Variants in DMXL1 observed in about 807,000 individuals in gnomAD.
DMXL1 encodes Dmx like 1.
In DMXL1, 99 loss-of-function variants were observed where a neutral mutation model predicts 319.2. That is an observed-to-expected ratio of 0.31 (90% CI 0.26 to 0.37). The LOEUF (loss-of-function observed/expected upper bound fraction) is 0.37. DMXL1 is among the 10% of genes least tolerant of loss of function. DMXL1 has a pLI of 1.00. For missense variants in DMXL1, 3,745 were observed against 3,595.6 expected (o/e 1.04, Z -1.06); for synonymous variants, 1,385 against 1,235.2 (o/e 1.12, Z -2.54).
intron 33 of DMXL1, among the ~76,000 whole-genome samples, chr5:119,204,315 T>A (rs1273911776): frequency 6.6e-6 from 1 of 152,140 alleles, no homozygotes; most frequent in Non-Finnish European, 1.5e-5. Flanking sequence ...TTTTTTGTAT[T>A]TTTGGTAGAG....
chr5:119,203,420 A>C lies in DMXL1; in HGVS notation c.7847A>C (p.Lys2616Thr). 6.3e-7 allele frequency: 1 copy of C among 1,597,442 alleles called. No homozygotes were observed. The highest frequency in any genetic ancestry group is 8.5e-7 in the Non-Finnish European group (1 of 1,171,610). The change falls in exon 33 of 44, where the codon AAA becomes ACA. Residue 2616 changes from lysine to threonine, a missense_variant. Physicochemically the swap from Lys to Thr is moderately conservative, Grantham distance 78. Around this residue, in one of 4 missense-constraint regions of DMXL1, gnomAD observed 1,382 missense variants for 1,269.5 expected, o/e 1.09. Coordinates refer to ENST00000539542, the MANE Select transcript of DMXL1 (RefSeq NM_001290321.3). The part of the protein sequence containing the change: ...ETFIKNIFTK[K>T]RCLNESLEDN... ...TTTATCAAAAATATATTCACAAAGA[A>C]ACGGTGTCTAAATGAGGTCTGTATA...
intron 37 of DMXL1, among the ~76,000 whole-genome samples, chr5:119,222,127 T>G (rs1049797082): frequency 1.3e-5 from 2 of 152,174 alleles, no homozygotes; most frequent in Non-Finnish European, 2.9e-5. Flanking sequence ...CCTTGTAATA[T>G]TTTGTACCTA....
intron 28 of DMXL1, among the ~76,000 whole-genome samples, chr5:119,187,136 G>A (rs1777878345): frequency 6.6e-6 from 1 of 151,654 alleles, no homozygotes; most frequent in African/African-American, 2.4e-5. Context: ...ATTTATGTCA[G>A]GACATTATTC....
At chr5:119,105,108 A>T in intron 3 of DMXL1, 72 bp from the exon 4 acceptor site, 3 of 957,630 alleles carry the variant, frequency 3.1e-6, no homozygotes, top group Middle Eastern at 2.9e-4. Context: ...AAGAATAACA[A>T]GCATAAACGT....
rs758312462 is a variant in DMXL1, at chr5:119,173,776, G to GTATATATA, written c.6682-1470_6682-1463dup. The stretch of plus-strand genomic sequence containing the variant: ...TGTGTATATATATATATGTGTGTGT[G>GTATATATA]TATATATATATATATATATATAATG... On this transcript the variant is annotated intron_variant, in intron 25 of 43. Transcript: ENST00000539542. Among the ~76,000 whole-genome samples the GTATATATA allele has an allele frequency of 7.0e-3, 473 of 67,168 alleles. 64 individuals carry two copies. The East Asian group carries it at 0.087, about 12-fold the overall frequency. The allele number at this position is 67,168 out of a possible 152,430, so 44.1% of individuals were successfully genotyped here. A position where few individuals can be genotyped will look rare whatever the true frequency, so the allele number is the denominator to read the frequency against.
chr5:119,233,526 A>C, intron 39 of DMXL1, 59 bp downstream of exon 39: 4 of 1,496,844 alleles, frequency 2.7e-6, no homozygotes, highest in Non-Finnish European at 3.7e-6. Context: ...TATAAATTCC[A>C]CTAGTTTGGG....
chr5:119,100,291 C>T (rs147079698), intron 2 of DMXL1, among the ~76,000 whole-genome samples: 2,476 of 151,762 alleles, frequency 0.016, 74 homozygotes, highest in African/African-American at 0.056. Context: ...AAAACATTAG[C>T]TGGGCGTGGT....
intron 13 of DMXL1, among the ~76,000 whole-genome samples, chr5:119,143,309 GA>G (rs576619605): frequency 2.6e-5 from 4 of 151,322 alleles, no homozygotes; most frequent in Non-Finnish European, 4.4e-5. Flanking sequence ...GAAGGCAAAA[GA>G]AAAAAAATAT....
chr5:119,086,413 A>G (rs1753376191), intron 1 of DMXL1, among the ~76,000 whole-genome samples: 1 of 152,196 alleles, frequency 6.6e-6, no homozygotes, highest in Non-Finnish European at 1.5e-5. Context: ...ATCATGGTGA[A>G]TGATCTTTTA....
At chr5:119,221,908 G>A (rs1458215589) in intron 37 of DMXL1, among the ~76,000 whole-genome samples, 2 of 151,646 alleles carry the variant, frequency 1.3e-5, no homozygotes, top group South Asian at 2.1e-4. Flanking sequence ...ATTACCTAGA[G>A]ATGTGATTCA....
At chr5:119,074,573 AT>A (rs1449332685) in intron 1 of DMXL1, among the ~76,000 whole-genome samples, 1 of 152,234 alleles carries the variant, frequency 6.6e-6, no homozygotes, top group Non-Finnish European at 1.5e-5. Flanking sequence ...TATTTTCTAG[AT>A]TTGAAAATAT....
At chr5:119,076,045 G>C (rs1750782322) in intron 1 of DMXL1, among the ~76,000 whole-genome samples, 1 of 151,704 alleles carries the variant, frequency 6.6e-6, no homozygotes. Flanking sequence ...ACTGTGATTT[G>C]AATGATATGG....
At chr5:119,205,114 T>C (rs1218073736) in intron 33 of DMXL1, among the ~76,000 whole-genome samples, 1 of 152,200 alleles carries the variant, frequency 6.6e-6, no homozygotes, top group Admixed American at 6.5e-5. Context: ...TATTGAAATT[T>C]AGACAAACAT....
intron 4 of DMXL1, among the ~76,000 whole-genome samples, chr5:119,106,225 C>T (rs1447464425): frequency 6.6e-6 from 1 of 152,188 alleles, no homozygotes; most frequent in Non-Finnish European, 1.5e-5. Context: ...CTGGATTTTA[C>T]ATGGTGGCTG....
At chr5:119,120,508 T>C (rs932767223) in intron 8 of DMXL1, among the ~76,000 whole-genome samples, 2 of 152,232 alleles carry the variant, frequency 1.3e-5, no homozygotes, top group Admixed American at 1.3e-4. Context: ...TGGCATCAAA[T>C]GGGATGATCT....
At chr5:119,162,755 G>A (rs1772543280) in intron 19 of DMXL1, among the ~76,000 whole-genome samples, 2 of 152,180 alleles carry the variant, frequency 1.3e-5, no homozygotes. Flanking sequence ...AATTATTTAT[G>A]AAAATGTATT....
At chr5:119,102,631 G>T (rs1757507421) in intron 3 of DMXL1, among the ~76,000 whole-genome samples, 1 of 152,044 alleles carries the variant, frequency 6.6e-6, no homozygotes, top group African/African-American at 2.4e-5. Flanking sequence ...GCCTGGGCAA[G>T]ATTTTAAAAA....
chr5:119,078,752 T>C (rs1751546984), intron 1 of DMXL1, among the ~76,000 whole-genome samples: 1 of 152,222 alleles, frequency 6.6e-6, no homozygotes, highest in South Asian at 2.1e-4. Context: ...GCACCCAGTC[T>C]GTGAGATATT....
chr5:119,144,024 C>T (rs1418379459), intron 14 of DMXL1, 94 bp downstream of exon 14: 2 of 758,864 alleles, frequency 2.6e-6, no homozygotes, highest in Non-Finnish European at 4.3e-6. Flanking sequence ...TGAAAATTTG[C>T]TATATATTTA....
Sources: gnomAD v4.1 joint callset for allele counts (sites outside exome capture counted in the v4.1 genomes callset) on GRCh38, gnomAD v4.1.1 for gene constraint, gnomAD v4.1.1 regional missense constraint, MANE v1.5 for transcripts, NCBI Gene and HGNC (gene_info 2026-07-23, HGNC 2026-07-21) for gene names.